Variants in MDH1B observed in about 807,000 individuals in gnomAD.
MDH1B encodes putative malate dehydrogenase 1B.
Under a neutral mutation model 61.4 loss-of-function variants are expected in MDH1B, and 60 were observed. The ratio of observed to expected loss-of-function variants is 0.98; its 90% CI spans 0.79 to 1.21. The LOEUF is 1.21. Ranked by LOEUF, MDH1B falls within the 50% of genes most tolerant of loss-of-function variation. MDH1B has a pLI of 0.00. For missense variants in MDH1B, 587 were observed against 632.1 expected (o/e 0.93, Z 0.76); for synonymous variants, 236 against 218.7 (o/e 1.08, Z -0.70).
intron 1 of MDH1B, 140 bp from the exon 2 acceptor site, chr2:206,761,153 T>A: frequency 2.1e-6 from 1 of 481,482 alleles, no homozygotes; most frequent in Non-Finnish European, 3.7e-6. Context: ...TAAACTGCTA[T>A]TACATAAACT....
chr2:206,760,353 G>A (rs1488187613), intron 2 of MDH1B, among the ~76,000 whole-genome samples: 1 of 152,176 alleles, frequency 6.6e-6, no homozygotes, highest in African/African-American at 2.4e-5. Flanking sequence ...CAGCTACCTT[G>A]CCTCAGTTTG....
At chr2:206,743,015 G>A (rs536630923) in intron 9 of MDH1B, among the ~76,000 whole-genome samples, 84 of 151,356 alleles carry the variant, frequency 5.5e-4, no homozygotes, top group African/African-American at 1.8e-3. Flanking sequence ...ACGCCCAGCC[G>A]ATGTCTCTAA....
In MDH1B at chr2:206,749,075, G is replaced by A; in HGVS notation, c.1161C>T (p.Tyr387=). ...CCCCAGGTGGTGAGCCATGGTACCA[G>A]TATTTCAGTGTAGTGGCTATACTGT... The part of the protein sequence containing the change: ...AAHSIATTLK[Y]WYHGSPPGEI... The change falls in exon 7 of 12, where the codon TAC becomes TAT. Residue 387 remains tyrosine (Y), a synonymous_variant. Coordinates refer to ENST00000374412, the MANE Select transcript of MDH1B (RefSeq NM_001039845.3). 6.2e-7 allele frequency: 1 copy of A among 1,614,066 alleles called. No homozygotes were observed. Among genetic ancestry groups the A allele is most frequent in the Non-Finnish European group, 8.5e-7 (1 of 1,179,942 alleles).
intron 2 of MDH1B, among the ~76,000 whole-genome samples, 166 bp from the exon 3 acceptor site, chr2:206,757,537 G>A (rs1688835065): frequency 6.6e-6 from 1 of 152,154 alleles, no homozygotes; most frequent in African/African-American, 2.4e-5. Flanking sequence ...ATAGAAAATA[G>A]TGATGTTAGT....
At chr2:206,744,414 G>A (rs1013341674) in intron 9 of MDH1B, among the ~76,000 whole-genome samples, 2 of 152,102 alleles carry the variant, frequency 1.3e-5, no homozygotes, top group Non-Finnish European at 2.9e-5. Flanking sequence ...CTTGACTAAA[G>A]CCCTTTGCAT....
rs115134249 is a variant in MDH1B at position 206,743,073 on chromosome 2, G to A, written c.1409-1969C>T. Among the ~76,000 whole-genome samples the A allele has an allele frequency of 9.7e-3, 1,471 of 152,236 alleles. 23 individuals are homozygous for A. Among genetic ancestry groups the A allele is most frequent in the African/African-American group, 0.032 (1,342 of 41,508 alleles). On this transcript the variant is annotated intron_variant, in intron 9 of 11. Transcript: ENST00000374412. ...GAACAGGTATGGGAATGGATATTAA[G>A]GGTATGGGATAATAGTTGAAGGAAC...
At chr2:206,760,567 A>G (rs1689030953) in intron 2 of MDH1B, among the ~76,000 whole-genome samples, 1 of 152,182 alleles carries the variant, frequency 6.6e-6, no homozygotes, top group Non-Finnish European at 1.5e-5. Flanking sequence ...ACAGAGTCCC[A>G]AAGAAGGGTA....
At chr2:206,741,768 G>A (rs1369794567) in intron 9 of MDH1B, among the ~76,000 whole-genome samples, 2 of 152,088 alleles carry the variant, frequency 1.3e-5, no homozygotes, top group Non-Finnish European at 2.9e-5. Flanking sequence ...TTTGGTACCA[G>A]GAGTGGTTCT....
intron 8 of MDH1B, among the ~76,000 whole-genome samples, chr2:206,746,004 A>G (rs559691174): frequency 2.3e-4 from 35 of 152,270 alleles, no homozygotes; most frequent in Non-Finnish European, 4.7e-4. Context: ...AAAGTATTAC[A>G]GGCATGAGCC....
Position 206,738,380 on chromosome 2 carries a change from T to C in MDH1B, c.*103A>G. 3.3e-6 allele frequency: 3 copies of C among 915,266 alleles called. No individual in the cohort carries two copies. Among genetic ancestry groups the C allele is most frequent in the Admixed American group, 5.1e-5 (2 of 38,890 alleles). 56.7% of individuals were successfully genotyped at this position (915,266 alleles called of 1,614,324 possible). On this transcript the variant is annotated 3_prime_UTR_variant, in exon 12 of 12. Transcript: ENST00000374412. Reference sequence around the variant, plus strand: ...TGCATGGTATTATCTAAGACTGACATAAATCTTTCAAATTATTCTTCCTTA... The same window carrying C: ...TGCATGGTATTATCTAAGACTGACACAAATCTTTCAAATTATTCTTCCTTA...
At chr2:206,754,353 T>G (rs1041946001) in intron 5 of MDH1B, among the ~76,000 whole-genome samples, 1 of 152,202 alleles carries the variant, frequency 6.6e-6, no homozygotes, top group Admixed American at 6.5e-5. Flanking sequence ...CCTTTTCAAA[T>G]ACAACAATCC....
In MDH1B at chr2:206,739,653, ACT is replaced by A. The variant is rs773339469; in HGVS notation, c.1466_1467del (p.Glu489ValfsTer11). On this transcript the variant is annotated frameshift_variant, in exon 11 of 12. Transcript: ENST00000374412. LOFTEE classifies it high-confidence loss of function. ...GTGGTTTGAGGAATCTGATTTGGAA[ACT>A]CTGCTGCTGCAAATAGAGTTAAAAG... is the stretch of plus-strand genomic sequence containing the variant. ...EKNLAMSDAA[E>X]FPNQIPQTTF... 29 of 1,613,324 alleles carry A rather than the reference ACT, an allele frequency of 1.8e-5. No individual in the cohort carries two copies. The South Asian group carries it at 3.2e-4, about 18-fold the overall frequency.
At chr2:206,747,975 T>C (rs1688212235) in intron 7 of MDH1B, among the ~76,000 whole-genome samples, 1 of 152,306 alleles carries the variant, frequency 6.6e-6, no homozygotes, top group South Asian at 2.1e-4. Context: ...TCTGCAGCTC[T>C]GGGAGTGAAT....
At chr2:206,765,211 G>A in intron 1 of MDH1B, 39 bp downstream of exon 1, 1 of 1,598,014 alleles carries the variant, frequency 6.3e-7, no homozygotes. Flanking sequence ...TGTTGTCGGC[G>A]TTTTGAGCAA....
intron 9 of MDH1B, among the ~76,000 whole-genome samples, chr2:206,743,208 C>T (rs1423973163): frequency 1.3e-5 from 2 of 152,168 alleles, no homozygotes; most frequent in Non-Finnish European, 2.9e-5. Flanking sequence ...TCTGCCCTCT[C>T]CATTGCACAA....
Position 206,755,382 on chromosome 2 carries a change from GCTTT to G in MDH1B, c.533_536del (p.Lys178ThrfsTer64), listed in dbSNP as rs1688703434. On this transcript the variant is annotated frameshift_variant, in exon 5 of 12. Coordinates refer to ENST00000374412, the MANE Select transcript of MDH1B (RefSeq NM_001039845.3). LOFTEE classifies it high-confidence loss of function. Reference sequence around the variant, plus strand: ...CCAGGTCTTGGGTCTCCACCACAAGGCTTTTGAGATGTTCTTCCGCCTGCTTGTT... The same window carrying G: ...CCAGGTCTTGGGTCTCCACCACAAGGTGAGATGTTCTTCCGCCTGCTTGTT... The G allele has an allele frequency of 3.1e-6, 5 of 1,614,180 alleles. No individual in the cohort carries two copies. The East Asian group carries it at 1.1e-4, about 36-fold the overall frequency.
chr2:206,751,947 C>T (rs1174906884), intron 5 of MDH1B, among the ~76,000 whole-genome samples: 1 of 152,178 alleles, frequency 6.6e-6, no homozygotes, highest in African/African-American at 2.4e-5. Flanking sequence ...CTTCCCTCTT[C>T]TCCTGTATAA....
At chr2:206,742,484 C>A (rs1687865891) in intron 9 of MDH1B, among the ~76,000 whole-genome samples, 1 of 152,152 alleles carries the variant, frequency 6.6e-6, no homozygotes, top group South Asian at 2.1e-4. Flanking sequence ...GCCTTTCCAC[C>A]TTTGTCTGAG....
intron 2 of MDH1B, among the ~76,000 whole-genome samples, chr2:206,758,011 C>T (rs1688863056): frequency 6.6e-6 from 1 of 152,128 alleles, no homozygotes; most frequent in African/African-American, 2.4e-5. Flanking sequence ...AATGAGGCCA[C>T]CTTACCAATA....
Sources: allele counts gnomAD v4.1 joint callset (sites outside exome capture counted in the v4.1 genomes callset), GRCh38; gene constraint gnomAD v4.1.1; transcripts MANE v1.5; gene names NCBI Gene and HGNC (gene_info 2026-07-23, HGNC 2026-07-21).